The following KDM2A variants were observed in gnomAD, a reference collection of about 807,000 sequenced individuals.
The protein encoded by KDM2A is lysine-specific demethylase 2A.
A neutral mutation model predicts 137.3 loss-of-function variants in KDM2A; 3 were observed. That is an observed-to-expected ratio of 0.02 (90% CI 0.01 to 0.06). The LOEUF is 0.06. Among genes scored for constraint, KDM2A ranks in the 10% least tolerant of loss-of-function variants. The pLI, the probability that KDM2A is intolerant of heterozygous loss-of-function variation, is 1.00. For missense variants in KDM2A, 738 were observed against 1,510.6 expected (o/e 0.49, Z 8.48); for synonymous variants, 512 against 541.5 (o/e 0.95, Z 0.76).
At chr11:67,206,346 T>C (rs1857804968) in intron 5 of KDM2A, among the ~76,000 whole-genome samples, 1 of 152,120 alleles carries the variant, frequency 6.6e-6, no homozygotes, top group Non-Finnish European at 1.5e-5. Flanking sequence ...CACAAGAATC[T>C]CTTGAACCTG....
At chr11:67,251,296 T>C (rs958211264) in intron 17 of KDM2A, among the ~76,000 whole-genome samples, 1 of 152,180 alleles carries the variant, frequency 6.6e-6, no homozygotes, top group Non-Finnish European at 1.5e-5. Flanking sequence ...AACATTTTTC[T>C]TCAGTTTTAA....
At chr11:67,120,313 C>G (rs563634591) in intron 1 of KDM2A, among the ~76,000 whole-genome samples, 2 of 152,218 alleles carry the variant, frequency 1.3e-5, no homozygotes, top group African/African-American at 4.8e-5. Flanking sequence ...TCTAACTGCT[C>G]TGCAAACTGT....
At chr11:67,168,572 G>T (rs1856800664) in intron 2 of KDM2A, among the ~76,000 whole-genome samples, 2 of 2,084 alleles carry the variant, frequency 9.6e-4, no homozygotes. Flanking sequence ...ACACAGTCTT[G>T]TATGAATTAT....
At chr11:67,236,166 T>G (rs2136433643) in intron 12 of KDM2A, among the ~76,000 whole-genome samples, 1 of 152,286 alleles carries the variant, frequency 6.6e-6, no homozygotes, top group Admixed American at 6.5e-5. Flanking sequence ...AGTCTTGCTC[T>G]GTCACCCAGG....
In KDM2A at chr11:67,255,714, C is replaced by CT; in HGVS notation, c.*661dup. 2.6e-6 allele frequency: 1 copy of CT among 387,680 alleles called. No individual in the cohort carries two copies. Among genetic ancestry groups the CT allele is most frequent in the Non-Finnish European group, 5.2e-6 (1 of 191,694 alleles). The allele number at this position is 387,680 out of a possible 1,614,324, so 24.0% of individuals were successfully genotyped here. ...AGGTTTCCCACCCCAGCCTACCCGA[C>CT]TTACTTGCTAGTCTCTATGAGGTCC... On this transcript the variant is annotated 3_prime_UTR_variant, in exon 21 of 21. Coordinates refer to ENST00000529006, the MANE Select transcript of KDM2A (RefSeq NM_012308.3).
At chr11:67,215,811 C>A in intron 7 of KDM2A, 45 bp from the exon 8 acceptor site, 1 of 1,487,914 alleles carries the variant, frequency 6.7e-7, no homozygotes, top group East Asian at 2.3e-5. Flanking sequence ...GGCAGATGTA[C>A]TTTTTTCCAT....
chr11:67,210,684 A>G (rs1246185666), intron 6 of KDM2A, among the ~76,000 whole-genome samples: 1 of 152,240 alleles, frequency 6.6e-6, no homozygotes, highest in Non-Finnish European at 1.5e-5. Context: ...TGAATGAGCT[A>G]TTACCAAGCT....
At chr11:67,163,598 A>G (rs1461655527) in intron 2 of KDM2A, among the ~76,000 whole-genome samples, 2 of 152,224 alleles carry the variant, frequency 1.3e-5, no homozygotes, top group Non-Finnish European at 2.9e-5. Context: ...TCACGCCTGT[A>G]ATTCCAGCAC....
intron 16 of KDM2A, 114 bp downstream of exon 16, chr11:67,248,484 T>C: frequency 1.5e-6 from 1 of 665,126 alleles, no homozygotes; most frequent in Non-Finnish European, 2.6e-6. Context: ...ACCTAGGAGA[T>C]TATTTTTGTT....
chr11:67,175,840 A>G (rs1426150944), intron 2 of KDM2A, among the ~76,000 whole-genome samples: 2 of 152,226 alleles, frequency 1.3e-5, no homozygotes, highest in South Asian at 2.1e-4. Flanking sequence ...CTGGGAAACT[A>G]TACTTATTCT....
intron 12 of KDM2A, chr11:67,240,105 C>G: frequency 5.8e-6 from 8 of 1,375,610 alleles, no homozygotes; most frequent in Non-Finnish European, 6.6e-6. Flanking sequence ...TTCGCAGGCA[C>G]AGGAAGCCGC....
rs751642792 is a variant in KDM2A, at chr11:67,254,173, T to C, written c.3092-30T>C. ...AAGCTGGATTAGAGAATTGAGAGTT[T>C]TGATCTAGGCTCTTCTCTTGCCTGT... On this transcript the variant is annotated intron_variant, in intron 19 of 20. Transcript: ENST00000529006. The surrounding 1 kb of genome is among the most constrained non-coding windows in gnomAD (Gnocchi z 4.7). 1 of 1,587,962 alleles carries C rather than the reference T, an allele frequency of 6.3e-7. No homozygotes were observed. The highest frequency in any genetic ancestry group is 8.6e-7 in the Non-Finnish European group (1 of 1,161,924).
rs559283669 is a variant in KDM2A at position 67,187,734 on chromosome 11, C to T, written c.307+5842C>T. Reference sequence around the variant, plus strand: ...ATTTACAGGTGCCCGCCACCACGCCCGGCTAAATTTTGTATTTTTAGTAGA... The same window carrying T: ...ATTTACAGGTGCCCGCCACCACGCCTGGCTAAATTTTGTATTTTTAGTAGA... On this transcript the variant is annotated intron_variant, in intron 5 of 20. Coordinates refer to ENST00000529006, the MANE Select transcript of KDM2A (RefSeq NM_012308.3). Among the ~76,000 whole-genome samples, 19 of 152,148 alleles carry T rather than the reference C, an allele frequency of 1.2e-4. 2 individuals carry two copies. The highest frequency in any genetic ancestry group is 8.5e-4 in the Admixed American group (13 of 15,290).
intron 5 of KDM2A, among the ~76,000 whole-genome samples, chr11:67,190,635 C>G (rs374223133): frequency 1.3e-5 from 2 of 151,884 alleles, no homozygotes; most frequent in African/African-American, 4.8e-5. Context: ...GTTGCATGTT[C>G]CTGTAATCCC....
intron 2 of KDM2A, among the ~76,000 whole-genome samples, chr11:67,147,906 T>A (rs930191981): frequency 2.6e-5 from 4 of 151,998 alleles, no homozygotes; most frequent in Non-Finnish European, 5.9e-5. Flanking sequence ...CTGGAACTCC[T>A]GACCTCGTGA....
chr11:67,175,455 C>T (rs1437116667), intron 2 of KDM2A, among the ~76,000 whole-genome samples: 2 of 152,164 alleles, frequency 1.3e-5, no homozygotes, highest in Non-Finnish European at 2.9e-5. Flanking sequence ...CACACACACA[C>T]GTAATTTTCA....
chr11:67,242,975 C>A, intron 12 of KDM2A, 34 bp from the exon 13 acceptor site: 1 of 1,572,480 alleles, frequency 6.4e-7, no homozygotes, highest in Non-Finnish European at 8.8e-7. Flanking sequence ...TTCACCCTGC[C>A]CTGATTTTTC....
At chr11:67,179,597 G>A (rs1381031006) in intron 2 of KDM2A, among the ~76,000 whole-genome samples, 1 of 152,146 alleles carries the variant, frequency 6.6e-6, no homozygotes, top group Admixed American at 6.6e-5. Context: ...CTGTTATTTA[G>A]ATTAACTTTC....
chr11:67,211,694 A>G (rs532594634), intron 6 of KDM2A, among the ~76,000 whole-genome samples: 4 of 151,674 alleles, frequency 2.6e-5, no homozygotes, highest in Admixed American at 6.6e-5. Flanking sequence ...TTAATATTCA[A>G]AAACTTAATC....
Sources: gnomAD v4.1 joint callset for allele counts (sites outside exome capture counted in the v4.1 genomes callset) on GRCh38, gnomAD v4.1.1 for gene constraint, Gnocchi (gnomAD v3.1) non-coding constraint, MANE v1.5 for transcripts, NCBI Gene and HGNC (gene_info 2026-07-23, HGNC 2026-07-21) for gene names.